The following NOVA1 variants were observed in gnomAD, a reference collection of about 807,000 sequenced individuals.
The protein encoded by NOVA1 is NOVA alternative splicing regulator 1, also known as RNA-binding protein Nova-1.
In NOVA1, 7 loss-of-function variants were observed where a neutral mutation model predicts 38.0. That is an observed-to-expected ratio of 0.18 (90% CI 0.10 to 0.35). The LOEUF (loss-of-function observed/expected upper bound fraction) is 0.35. Ranked by LOEUF, NOVA1 falls within the 10% of genes least tolerant of loss-of-function variation. The pLI is 1.00. For synonymous variants in NOVA1, 270 were observed against 232.5 expected, an observed-to-expected ratio of 1.16 and a Z score of -1.47; for missense variants, 460 against 616.0, an observed-to-expected ratio of 0.75 and a Z score of 2.68.
At chr14:26,497,799 A>G (rs1886929810) in intron 2 of NOVA1, among the ~76,000 whole-genome samples, 1 of 152,166 alleles carries the variant, frequency 6.6e-6, no homozygotes. Flanking sequence ...TCACCGTAAT[A>G]AAAAAATATT....
At chr14:26,517,096 G>A (rs561208222) in intron 2 of NOVA1, among the ~76,000 whole-genome samples, 219 of 151,980 alleles carry the variant, frequency 1.4e-3, no homozygotes, top group African/African-American at 4.9e-3. Flanking sequence ...TAGTAGAGAC[G>A]GGGTTTCACT....
At chr14:26,483,683 C>T (rs1415427763) in intron 2 of NOVA1, among the ~76,000 whole-genome samples, 1 of 152,096 alleles carries the variant, frequency 6.6e-6, no homozygotes, top group African/African-American at 2.4e-5. Context: ...TAAATCTAAT[C>T]AAACATTTAG....
At chr14:26,481,463 T>G (rs1885443262) in intron 2 of NOVA1, among the ~76,000 whole-genome samples, 1 of 152,068 alleles carries the variant, frequency 6.6e-6, no homozygotes, top group Admixed American at 6.6e-5. Flanking sequence ...AGAATATCAT[T>G]AATACTTCTA....
intron 2 of NOVA1, among the ~76,000 whole-genome samples, chr14:26,569,555 A>G (rs192823532): frequency 1.4e-3 from 211 of 152,306 alleles, no homozygotes; most frequent in Admixed American, 2.4e-3. Context: ...TTCCAATGTA[A>G]TTTTTTAAAA....
At chr14:26,586,119 C>T (rs2138789577) in intron 2 of NOVA1, among the ~76,000 whole-genome samples, 1 of 151,380 alleles carries the variant, frequency 6.6e-6, no homozygotes, top group South Asian at 2.1e-4. Context: ...CATCAGTGGA[C>T]CTTAATCCAA....
intron 2 of NOVA1, among the ~76,000 whole-genome samples, chr14:26,498,875 C>T (rs1219930307): frequency 6.6e-6 from 1 of 152,168 alleles, no homozygotes; most frequent in East Asian, 1.9e-4. Flanking sequence ...GGAAGGCATC[C>T]TGCCATTTGC....
In NOVA1 at chr14:26,582,490, C is replaced by T. The variant is rs1315765639; in HGVS notation, c.280+12920G>A. Among the ~76,000 whole-genome samples, 3 of 151,734 alleles carry T rather than the reference C, an allele frequency of 2.0e-5. No individual in the cohort carries two copies. In the East Asian group the frequency reaches 5.8e-4, roughly 29 times the overall value. ...TTTTAATGGCTTCACTGCCAAGACT[C>T]CATAGAACCTCAAAGCTTTTCCTAT... is the stretch of plus-strand genomic sequence containing the variant. On this transcript the variant is annotated intron_variant, in intron 2 of 4. Transcript: ENST00000539517.
At chr14:26,566,893 A>C (rs1373277162) in intron 2 of NOVA1, among the ~76,000 whole-genome samples, 1 of 152,182 alleles carries the variant, frequency 6.6e-6, no homozygotes, top group Non-Finnish European at 1.5e-5. Context: ...CTTCCTTAAG[A>C]AATCAATCCT....
intron 2 of NOVA1, among the ~76,000 whole-genome samples, chr14:26,483,636 C>T (rs932560429): frequency 1.3e-5 from 2 of 152,106 alleles, no homozygotes; most frequent in Admixed American, 6.5e-5. Context: ...AAAAAACACA[C>T]AGAACCAATT....
chr14:26,535,038 A>G (rs1210279835), intron 2 of NOVA1, among the ~76,000 whole-genome samples: 1 of 152,234 alleles, frequency 6.6e-6, no homozygotes, highest in African/African-American at 2.4e-5. Context: ...ATTTTAGGAC[A>G]CAAAATTAAT....
At chr14:26,551,919 A>G (rs79837241) in intron 2 of NOVA1, among the ~76,000 whole-genome samples, 1 of 152,066 alleles carries the variant, frequency 6.6e-6, no homozygotes, top group Admixed American at 6.5e-5. Flanking sequence ...ATATTACAAA[A>G]CAGTATTATA....
At chr14:26,477,161 A>C (rs74042406) in intron 3 of NOVA1, among the ~76,000 whole-genome samples, 2,102 of 152,344 alleles carry the variant, frequency 0.014, 41 homozygotes, top group African/African-American at 0.046. Context: ...CTTACTAAGA[A>C]GGCATTTAGT....
intron 4 of NOVA1, among the ~76,000 whole-genome samples, chr14:26,465,508 T>C (rs1008960571): frequency 1.3e-5 from 2 of 152,164 alleles, no homozygotes; most frequent in African/African-American, 2.4e-5. Flanking sequence ...ATGATAATAT[T>C]CGTATTTGAG....
chr14:26,565,746 T>A (rs1160155833), intron 2 of NOVA1, among the ~76,000 whole-genome samples: 2 of 152,190 alleles, frequency 1.3e-5, no homozygotes, highest in African/African-American at 4.8e-5. Flanking sequence ...CTAACACCAG[T>A]ACCACCACAT....
At chr14:26,589,844 G>C (rs186540574) in intron 2 of NOVA1, among the ~76,000 whole-genome samples, 2 of 151,826 alleles carry the variant, frequency 1.3e-5, no homozygotes, top group Admixed American at 6.6e-5. Flanking sequence ...TATTAAAGAC[G>C]TAGGAAAGCT....
At chr14:26,450,446 G>T (rs938546025) in intron 4 of NOVA1, among the ~76,000 whole-genome samples, 1 of 151,436 alleles carries the variant, frequency 6.6e-6, no homozygotes, top group Admixed American at 6.6e-5. Flanking sequence ...AGTAATAAAA[G>T]AAATTTAATT....
At chr14:26,493,898 C>T (rs751203222) in intron 2 of NOVA1, among the ~76,000 whole-genome samples, 1 of 152,124 alleles carries the variant, frequency 6.6e-6, no homozygotes, top group Non-Finnish European at 1.5e-5. Flanking sequence ...CCCTGCTCCT[C>T]CCCCATCAAA....
Position 26,587,054 on chromosome 14 carries a change from C to A in NOVA1, c.280+8356G>T, listed in dbSNP as rs74683163. 9.1e-3 allele frequency among the ~76,000 whole-genome samples: 1,378 copies of A among 150,788 alleles called. 20 individuals carry two copies. The highest frequency in any genetic ancestry group is 0.03 in the African/African-American group (1,237 of 41,332). ...GAGAATGAAGTACCTACCACAATTG[C>A]ACCACAAATTCAGAAAACACATTTC... is the stretch of plus-strand genomic sequence containing the variant. On this transcript the variant is annotated intron_variant, in intron 2 of 4. Transcript: ENST00000539517.
intron 2 of NOVA1, among the ~76,000 whole-genome samples, chr14:26,576,191 C>T (rs1010823987): frequency 1.3e-5 from 2 of 151,692 alleles, no homozygotes; most frequent in African/African-American, 4.8e-5. Context: ...ATATGGTATA[C>T]ATTTTAAGCT....
Sources: gnomAD v4.1 joint callset for allele counts (sites outside exome capture counted in the v4.1 genomes callset) on GRCh38, gnomAD v4.1.1 for gene constraint, MANE v1.5 for transcripts, NCBI Gene and HGNC (gene_info 2026-07-23, HGNC 2026-07-21) for gene names.